KCTD1: variants seen among roughly 807,000 people sequenced by gnomAD.
KCTD1 encodes the protein potassium channel tetramerization domain containing 1.
In KCTD1, 24 loss-of-function variants were observed where a neutral mutation model predicts 66.0. The observed-to-expected ratio is 0.36, with a 90% CI of 0.26 to 0.51. The LOEUF is 0.51. Ranked by LOEUF, KCTD1 falls within the 20% of genes least tolerant of loss-of-function variation. The pLI is 0.95. For missense variants in KCTD1, 943 were observed against 1,205.2 expected (o/e 0.78, Z 3.22); for synonymous variants, 511 against 517.2 (o/e 0.99, Z 0.16).
intron 1 of KCTD1, chr18:26,545,816 G>C (rs1291263934): frequency 6.6e-6 from 1 of 152,084 alleles, no homozygotes; most frequent in African/African-American, 2.4e-5. Flanking sequence ...AGAGGCCCCA[G>C]TCTCGACCCA....
chr18:26,654,501 G>C (rs779583047), intron 1 of KCTD1, among the ~76,000 whole-genome samples: 1 of 151,996 alleles, frequency 6.6e-6, no homozygotes, highest in Non-Finnish European at 1.5e-5. Context: ...TGCAAGCCCT[G>C]GCAAAGAATT....
intron 1 of KCTD1, among the ~76,000 whole-genome samples, chr18:26,578,872 T>G (rs1341970084): frequency 6.6e-6 from 1 of 152,204 alleles, no homozygotes; most frequent in Non-Finnish European, 1.5e-5. Context: ...TAATTCTTAG[T>G]ACTGGGGAGC....
chr18:26,472,967 G>A (rs1423606427), intron 3 of KCTD1, among the ~76,000 whole-genome samples: 1 of 152,200 alleles, frequency 6.6e-6, no homozygotes, highest in Non-Finnish European at 1.5e-5. Context: ...GAGAGTGTGT[G>A]ACCCCAGGTG....
intron 1 of KCTD1, among the ~76,000 whole-genome samples, chr18:26,512,987 A>AT (rs972680372): frequency 2.9e-3 from 440 of 150,920 alleles, no homozygotes; most frequent in African/African-American, 9.6e-3. Flanking sequence ...TCAAAAAAAA[A>AT]TTTTTTTTTT....
In KCTD1 at chr18:26,467,825, A is replaced by AT. The variant is rs760377063; in HGVS notation, c.2134-7901dup. ...GCGAGACCCTATCTCAAAAAAACCA[A>AT]TTTTTTTTAAATTAATTAAAAAAAT... is the stretch of plus-strand genomic sequence containing the variant. On this transcript the variant is annotated intron_variant, in intron 3 of 4. Coordinates refer to ENST00000580059, the MANE Select transcript of KCTD1 (RefSeq NM_001142730.3). Among the ~76,000 whole-genome samples the AT allele has an allele frequency of 3.6e-3, 542 of 152,136 alleles. 3 individuals carry two copies. The highest frequency in any genetic ancestry group is 0.011 in the South Asian group (51 of 4,794).
chr18:26,591,307 C>T (rs1307641685), intron 1 of KCTD1, among the ~76,000 whole-genome samples: 2 of 152,214 alleles, frequency 1.3e-5, no homozygotes, highest in Admixed American at 1.3e-4. Context: ...GGATTACAGG[C>T]ATGTGCCACC....
At chr18:26,585,686 C>T (rs781437458) in intron 1 of KCTD1, among the ~76,000 whole-genome samples, 27 of 152,112 alleles carry the variant, frequency 1.8e-4, no homozygotes, top group Admixed American at 5.9e-4. Flanking sequence ...TTCAAAGTAT[C>T]GTATTTTATT....
chr18:26,522,751 T>C (rs768793507), intron 1 of KCTD1, among the ~76,000 whole-genome samples: 1 of 152,170 alleles, frequency 6.6e-6, no homozygotes, highest in Admixed American at 6.5e-5. Context: ...GCACTGACTA[T>C]GTGCCAGGCT....
intron 1 of KCTD1, among the ~76,000 whole-genome samples, chr18:26,541,761 G>T (rs968663196): frequency 1.3e-5 from 2 of 152,048 alleles, no homozygotes; most frequent in Non-Finnish European, 2.9e-5. Context: ...TCATATTCAG[G>T]TTTAATCTCA....
intron 1 of KCTD1, among the ~76,000 whole-genome samples, chr18:26,606,840 G>A (rs1043990367): frequency 3.3e-5 from 5 of 152,224 alleles, no homozygotes; most frequent in Non-Finnish European, 5.9e-5. Context: ...TAAGCTGTGG[G>A]AGACAGTATT....
At chr18:26,515,968 T>C (rs1166933708) in intron 1 of KCTD1, among the ~76,000 whole-genome samples, 7 of 152,076 alleles carry the variant, frequency 4.6e-5, no homozygotes, top group Non-Finnish European at 1.0e-4. Context: ...CAGTATATAA[T>C]GCCAAGACAA....
intron 1 of KCTD1, among the ~76,000 whole-genome samples, chr18:26,611,276 C>A (rs1004477157): frequency 1.3e-5 from 2 of 152,032 alleles, no homozygotes; most frequent in African/African-American, 4.8e-5. Flanking sequence ...TCTCTAGAAG[C>A]TTGATTTGCC....
chr18:26,598,789 A>G (rs887856565), intron 1 of KCTD1, among the ~76,000 whole-genome samples: 2 of 152,042 alleles, frequency 1.3e-5, no homozygotes, highest in Non-Finnish European at 2.9e-5. Flanking sequence ...CCATTCATAT[A>G]TATTCTTTGG....
chr18:26,485,042 T>C (rs951314709), intron 2 of KCTD1, among the ~76,000 whole-genome samples: 3 of 152,218 alleles, frequency 2.0e-5, no homozygotes, highest in Non-Finnish European at 2.9e-5. Context: ...TCTTAGGAAC[T>C]TCCTGGCATG....
At chr18:26,466,416 T>C (rs1345146115) in intron 3 of KCTD1, among the ~76,000 whole-genome samples, 2 of 152,254 alleles carry the variant, frequency 1.3e-5, no homozygotes, top group African/African-American at 4.8e-5. Context: ...CAATACTCCC[T>C]TTAACTTTTC....
At chr18:26,607,092 T>C (rs1355438600) in intron 1 of KCTD1, among the ~76,000 whole-genome samples, 2 of 152,226 alleles carry the variant, frequency 1.3e-5, no homozygotes, top group Admixed American at 1.3e-4. Context: ...TAGAGTGCAG[T>C]GGCACAATCA....
intron 1 of KCTD1, among the ~76,000 whole-genome samples, chr18:26,637,063 G>A (rs760469012): frequency 2.6e-4 from 40 of 152,132 alleles, no homozygotes; most frequent in Non-Finnish European, 4.3e-4. Flanking sequence ...AGAGCACCTC[G>A]GAGGGCTTCA....
chr18:26,656,021 A>C (rs1189881233), intron 1 of KCTD1, among the ~76,000 whole-genome samples: 3 of 150,628 alleles, frequency 2.0e-5, no homozygotes, highest in African/African-American at 4.9e-5. Context: ...TCAATAAAGA[A>C]GGGTGGCGGG....
intron 1 of KCTD1, among the ~76,000 whole-genome samples, chr18:26,604,876 C>A (rs1298376656): frequency 6.6e-6 from 1 of 152,084 alleles, no homozygotes; most frequent in African/African-American, 2.4e-5. Flanking sequence ...TCACATATAT[C>A]CCTGAACCTA....
Sources: allele counts gnomAD v4.1 joint callset (sites outside exome capture counted in the v4.1 genomes callset), GRCh38; gene constraint gnomAD v4.1.1; transcripts MANE v1.5; gene names NCBI Gene and HGNC (gene_info 2026-07-23, HGNC 2026-07-21).